DOCK4: variants seen among roughly 807,000 people sequenced by gnomAD.
DOCK4 encodes dedicator of cytokinesis protein 4.
DOCK4 carries 97 observed loss-of-function variants against 268.1 expected under a neutral mutation model. The ratio of observed to expected loss-of-function variants is 0.36; its 90% confidence interval spans 0.31 to 0.43. The LOEUF (loss-of-function observed/expected upper bound fraction) is 0.43, where lower values mean the gene tolerates loss of function less well. Among genes scored for constraint, DOCK4 ranks in the 20% least tolerant of loss-of-function variants. DOCK4 has a pLI of 1.00. For synonymous variants in DOCK4, 954 were observed against 887.2 expected (o/e 1.08, Z -1.34); for missense variants, 2,145 against 2,455.7 (o/e 0.87, Z 2.67).
intron 13 of DOCK4, among the ~76,000 whole-genome samples, chr7:111,914,675 C>A (rs1002370345): frequency 6.6e-6 from 1 of 152,180 alleles, no homozygotes; most frequent in Non-Finnish European, 1.5e-5. Flanking sequence ...AAATTTCTTA[C>A]CTACCACAAA....
intron 1 of DOCK4, among the ~76,000 whole-genome samples, chr7:112,093,802 G>C (rs766928190): frequency 4.4e-4 from 65 of 147,412 alleles, no homozygotes; most frequent in Non-Finnish European, 8.5e-4. Flanking sequence ...AAATTCTATA[G>C]AAATATTGAG....
At chr7:112,098,065 T>C (rs753411553) in intron 1 of DOCK4, among the ~76,000 whole-genome samples, 11 of 152,206 alleles carry the variant, frequency 7.2e-5, no homozygotes, top group Non-Finnish European at 1.6e-4. Context: ...GAGTAAACAC[T>C]GAAATGAAAA....
chr7:111,940,032 TA>T, intron 11 of DOCK4, 77 bp downstream of exon 11: 1 of 1,464,862 alleles, frequency 6.8e-7, no homozygotes, highest in Non-Finnish European at 9.5e-7. Flanking sequence ...TCTACCCACC[TA>T]AAGTAGCATT....
rs117454888 is a variant in DOCK4, at chr7:111,856,281, G to C, written c.2473+7091C>G. Among the ~76,000 whole-genome samples, 95 of 152,294 alleles carry C rather than the reference G, an allele frequency of 6.2e-4. 2 individuals carry two copies. In the East Asian group the frequency reaches 0.016, roughly 26 times the overall value. ...GAACTAAGTTGAAAGGGAGTCTTGT[G>C]ACTCCCAAAATATGTGAGTTTACAT... On this transcript the variant is annotated intron_variant, in intron 23 of 52. Transcript: ENST00000428084.
intron 12 of DOCK4, among the ~76,000 whole-genome samples, chr7:111,929,973 C>T (rs1375349894): frequency 1.3e-5 from 2 of 152,122 alleles, no homozygotes; most frequent in South Asian, 2.1e-4. Context: ...ACTTAATTTG[C>T]CTCAGTAAAT....
chr7:111,934,523 GTTTTTTTT>G (rs1183672033), intron 12 of DOCK4, among the ~76,000 whole-genome samples: 1 of 83,874 alleles, frequency 1.2e-5, no homozygotes, highest in African/African-American at 4.0e-5. Flanking sequence ...TTTTGTTTTT[GTTTTTTTT>G]TTTTTTTTTT....
chr7:111,743,062 G>A (rs574155254), intron 44 of DOCK4, among the ~76,000 whole-genome samples: 8 of 151,914 alleles, frequency 5.3e-5, no homozygotes, highest in Non-Finnish European at 1.2e-4. Context: ...ATAATTCAAC[G>A]AGAGAGCAGG....
chr7:111,986,307 G>C (rs972882659), intron 6 of DOCK4, among the ~76,000 whole-genome samples: 1 of 152,176 alleles, frequency 6.6e-6, no homozygotes, highest in African/African-American at 2.4e-5. Flanking sequence ...TGCAGAATGA[G>C]TGCAGAAATT....
intron 1 of DOCK4, among the ~76,000 whole-genome samples, chr7:112,026,048 C>T (rs1028646904): frequency 6.6e-6 from 1 of 152,230 alleles, no homozygotes. Flanking sequence ...TGAGTTCCCA[C>T]AACTCTTAAC....
In DOCK4 at chr7:111,772,172, G is replaced by A. The variant is rs994526346; in HGVS notation, c.3680-2495C>T. Reference sequence around the variant, plus strand: ...AGATGAGAAAAGTTCTGCACCTGTAGTCTCAGGTACTCAGGAGGCTGAGGC... The same window carrying A: ...AGATGAGAAAAGTTCTGCACCTGTAATCTCAGGTACTCAGGAGGCTGAGGC... On this transcript the variant is annotated intron_variant, in intron 36 of 52. Transcript: ENST00000428084. Among the ~76,000 whole-genome samples, 43 of 152,188 alleles carry A rather than the reference G, an allele frequency of 2.8e-4. 2 individuals carry two copies. The highest frequency in any genetic ancestry group is 9.7e-4 in the African/African-American group (40 of 41,440).
rs374554949 is a variant in DOCK4 at position 112,113,985 on chromosome 7, A to T, written c.37+92117T>A. ...CATTTTTCTTTACCCCTAGCCCCAC[A>T]AACAGCTCTTGCCTTGAATTCCTTG... On this transcript the variant is annotated intron_variant, in intron 1 of 52. Transcript: ENST00000428084. 3.9e-5 allele frequency among the ~76,000 whole-genome samples: 6 copies of T among 151,966 alleles called. No individual in the cohort carries two copies. The East Asian group carries it at 9.6e-4, about 24-fold the overall frequency.
At chr7:111,981,894 A>T (rs1798638651) in intron 7 of DOCK4, among the ~76,000 whole-genome samples, 1 of 152,218 alleles carries the variant, frequency 6.6e-6, no homozygotes, top group Non-Finnish European at 1.5e-5. Flanking sequence ...AAAGAGGTGA[A>T]ATCAATTTGC....
chr7:111,766,388 A>G (rs777452649), intron 38 of DOCK4, among the ~76,000 whole-genome samples: 1 of 152,184 alleles, frequency 6.6e-6, no homozygotes, highest in Non-Finnish European at 1.5e-5. Context: ...AGAAACCCTG[A>G]AGAACTGAAG....
intron 1 of DOCK4, among the ~76,000 whole-genome samples, chr7:112,062,330 T>C (rs1040912356): frequency 6.6e-6 from 1 of 152,184 alleles, no homozygotes; most frequent in Non-Finnish European, 1.5e-5. Context: ...AACAGGAGAA[T>C]ATAAGTCATG....
At chr7:112,175,220 A>G (rs1394793589) in intron 1 of DOCK4, among the ~76,000 whole-genome samples, 1 of 152,126 alleles carries the variant, frequency 6.6e-6, no homozygotes, top group Non-Finnish European at 1.5e-5. Flanking sequence ...CTGAAGTTTA[A>G]ACAGTGAAAA....
At chr7:112,066,697 A>ATGTATGTATGTGTGTGTG (rs1563052205) in intron 1 of DOCK4, among the ~76,000 whole-genome samples, 2 of 23,002 alleles carry the variant, frequency 8.7e-5, no homozygotes, top group Admixed American at 2.9e-4. Context: ...ATACATATAT[A>ATGTATGTATGTGTGTGTG]TATATATATA....
intron 1 of DOCK4, among the ~76,000 whole-genome samples, chr7:112,132,672 T>A (rs1348697931): frequency 6.6e-6 from 1 of 152,092 alleles, no homozygotes; most frequent in Admixed American, 6.5e-5. Context: ...CTATTTCACC[T>A]CCATTCAATA....
chr7:112,134,641 G>A (rs1009891269), intron 1 of DOCK4, among the ~76,000 whole-genome samples: 1 of 152,150 alleles, frequency 6.6e-6, no homozygotes, highest in Non-Finnish European at 1.5e-5. Context: ...GCGTGAACCC[G>A]GAAGGCAGAG....
At chr7:111,879,945 A>C (rs1480910100) in intron 16 of DOCK4, among the ~76,000 whole-genome samples, 1 of 151,880 alleles carries the variant, frequency 6.6e-6, no homozygotes, top group African/African-American at 2.4e-5. Context: ...AAATAGCTTC[A>C]AAAGTGCAAA....
Sources: gnomAD v4.1 joint callset for allele counts (sites outside exome capture counted in the v4.1 genomes callset) on GRCh38, gnomAD v4.1.1 for gene constraint, MANE v1.5 for transcripts, NCBI Gene and HGNC (gene_info 2026-07-23, HGNC 2026-07-21) for gene names.